SPAG9: variants seen among roughly 807,000 people sequenced by gnomAD.
SPAG9 encodes the protein sperm associated antigen 9.
SPAG9 carries 35 observed loss-of-function variants against 166.5 expected under a neutral mutation model. The ratio of observed to expected loss-of-function variants is 0.21; its 90% CI spans 0.16 to 0.28. The LOEUF is 0.28. SPAG9 is among the 10% of genes least tolerant of loss of function. The pLI, the probability that SPAG9 is intolerant of heterozygous loss-of-function variation, is 1.00. For missense variants in SPAG9, 1,235 were observed against 1,603.3 expected (o/e 0.77, Z 3.92); for synonymous variants, 534 against 565.5 (o/e 0.94, Z 0.79).
intron 1 of SPAG9, among the ~76,000 whole-genome samples, chr17:51,087,861 G>A (rs2048343397): frequency 6.6e-6 from 1 of 152,002 alleles, no homozygotes; most frequent in Non-Finnish European, 1.5e-5. Context: ...TCAGCCTTCT[G>A]AGTAGCTGGG....
intron 12 of SPAG9, among the ~76,000 whole-genome samples, chr17:51,002,988 T>C (rs1054882210): frequency 7.7e-6 from 1 of 130,630 alleles, no homozygotes; most frequent in African/African-American, 2.8e-5. Context: ...AGGCTGAAGT[T>C]AAAAAAAAAA....
intron 1 of SPAG9, among the ~76,000 whole-genome samples, chr17:51,086,546 G>A (rs757124001): frequency 1.1e-4 from 16 of 151,928 alleles, no homozygotes; most frequent in Non-Finnish European, 1.8e-4. Flanking sequence ...ATAGCTACTC[G>A]GGAGGCTGAG....
chr17:51,034,530 AG>A (rs1755434515), intron 5 of SPAG9, among the ~76,000 whole-genome samples: 1 of 152,216 alleles, frequency 6.6e-6, no homozygotes, highest in South Asian at 2.1e-4. Context: ...GTCCAAAGCT[AG>A]AAAAATTTGA....
Position 51,082,880 on chromosome 17 carries a change from T to C in SPAG9, c.304-3176A>G, listed in dbSNP as rs555478804. Among the ~76,000 whole-genome samples the C allele has an allele frequency of 2.6e-5, 4 of 152,282 alleles. No homozygotes were observed. The South Asian group carries it at 8.3e-4, about 32-fold the overall frequency. ...TTTCTCTCTCCAGTTTCATGCTAAGTATATTCAGTCCATGTAATTTGATTG... is the reference window on the plus strand; with the variant it reads ...TTTCTCTCTCCAGTTTCATGCTAAGCATATTCAGTCCATGTAATTTGATTG... On this transcript the variant is annotated intron_variant, in intron 1 of 29. Coordinates refer to ENST00000262013, the MANE Select transcript of SPAG9 (RefSeq NM_001130528.3).
chr17:51,109,359 C>G (rs1394448474), intron 1 of SPAG9, among the ~76,000 whole-genome samples: 4 of 151,946 alleles, frequency 2.6e-5, no homozygotes, highest in Non-Finnish European at 4.4e-5. Flanking sequence ...GCTTCAGCCT[C>G]CGGAGTAGCT....
At chr17:51,019,251 A>C (rs2045831985) in intron 8 of SPAG9, among the ~76,000 whole-genome samples, 1 of 152,136 alleles carries the variant, frequency 6.6e-6, no homozygotes, top group Admixed American at 6.5e-5. Flanking sequence ...ACTGTGAGAA[A>C]ATTAATTTCT....
Position 50,990,820 on chromosome 17 carries a change from T to C in SPAG9, c.2399-152A>G, listed in dbSNP as rs192214078. 4.3e-4 allele frequency: 257 copies of C among 604,638 alleles called. 3 individuals are homozygous for C. The East Asian group carries it at 6.9e-3, about 16-fold the overall frequency. The allele number at this position is 604,638 out of a possible 1,614,324, so 37.5% of individuals were successfully genotyped here. On this transcript the variant is annotated intron_variant, in intron 19 of 29. Transcript: ENST00000262013. ...GCATTAAATTTACATAAACAAATCTTCACAATATGGGAAGGTAACTTAAAA... is the reference window on the plus strand; with the variant it reads ...GCATTAAATTTACATAAACAAATCTCCACAATATGGGAAGGTAACTTAAAA...
intron 18 of SPAG9, among the ~76,000 whole-genome samples, chr17:50,994,754 A>G (rs1975925708): frequency 6.6e-6 from 1 of 152,198 alleles, no homozygotes; most frequent in East Asian, 1.9e-4. Flanking sequence ...GTCTCTAAAC[A>G]GCAACACAAA....
intron 8 of SPAG9, among the ~76,000 whole-genome samples, chr17:51,016,734 G>A (rs531754101): frequency 2.6e-5 from 4 of 152,012 alleles, no homozygotes; most frequent in Admixed American, 1.3e-4. Flanking sequence ...GTGAAACCCC[G>A]TCTCTACTAA....
intron 2 of SPAG9, among the ~76,000 whole-genome samples, chr17:51,071,864 C>G (rs1239368145): frequency 2.0e-5 from 3 of 152,032 alleles, no homozygotes; most frequent in Non-Finnish European, 4.4e-5. Flanking sequence ...TTGACAAACT[C>G]AGTCTTTTAA....
intron 29 of SPAG9, among the ~76,000 whole-genome samples, chr17:50,969,641 T>G (rs1211570400): frequency 6.6e-6 from 1 of 152,180 alleles, no homozygotes; most frequent in Non-Finnish European, 1.5e-5. Context: ...CATACTTTCT[T>G]CTACTCCACA....
intron 6 of SPAG9, 87 bp from the exon 7 acceptor site, chr17:51,021,452 A>G (rs1352054028): frequency 1.8e-6 from 2 of 1,123,064 alleles, no homozygotes; most frequent in South Asian, 1.7e-5. Context: ...AAATCTACCA[A>G]AGAAAGTTCT....
intron 2 of SPAG9, among the ~76,000 whole-genome samples, chr17:51,059,502 C>A (rs753916348): frequency 1.3e-5 from 2 of 151,974 alleles, no homozygotes; most frequent in Non-Finnish European, 2.9e-5. Context: ...CGCCTGTAAT[C>A]CCAGCACTTT....
chr17:51,105,498 T>A (rs1210854925), intron 1 of SPAG9, among the ~76,000 whole-genome samples: 2 of 152,194 alleles, frequency 1.3e-5, no homozygotes, highest in Admixed American at 6.6e-5. Context: ...AATTATCTTA[T>A]GAGATGAAAT....
intron 2 of SPAG9, among the ~76,000 whole-genome samples, chr17:51,075,364 A>G (rs1341716234): frequency 1.3e-5 from 2 of 152,112 alleles, no homozygotes; most frequent in Admixed American, 6.6e-5. Context: ...ACTTTTGGGA[A>G]AAAAAGAAGC....
chr17:51,087,381 T>G (rs999307411), intron 1 of SPAG9, among the ~76,000 whole-genome samples: 1 of 152,208 alleles, frequency 6.6e-6, no homozygotes, highest in Non-Finnish European at 1.5e-5. Flanking sequence ...GACGGTGTCA[T>G]GAAATTCAAA....
chr17:51,016,138 A>C (rs937994697), intron 8 of SPAG9: 8 of 152,154 alleles, frequency 5.3e-5, no homozygotes, highest in Non-Finnish European at 8.8e-5. Flanking sequence ...CAACCCATAT[A>C]GTTCTTTATC....
At chr17:51,083,211 T>A (rs1472920860) in intron 1 of SPAG9, among the ~76,000 whole-genome samples, 1 of 151,844 alleles carries the variant, frequency 6.6e-6, no homozygotes, top group African/African-American at 2.4e-5. Context: ...TACATAAGCT[T>A]GAGTTGGTTT....
intron 5 of SPAG9, among the ~76,000 whole-genome samples, chr17:51,038,926 G>A (rs894327672): frequency 6.6e-6 from 1 of 151,930 alleles, no homozygotes; most frequent in Non-Finnish European, 1.5e-5. Flanking sequence ...ATTTTTCTAG[G>A]TGCATCATTC....
Sources: gnomAD v4.1 joint callset for allele counts (sites outside exome capture counted in the v4.1 genomes callset) on GRCh38, gnomAD v4.1.1 for gene constraint, MANE v1.5 for transcripts, NCBI Gene and HGNC (gene_info 2026-07-23, HGNC 2026-07-21) for gene names.